Variants in GIGYF1 observed in about 807,000 individuals in gnomAD.
GIGYF1 encodes GRB10 interacting GYF protein 1, also known as GRB10-interacting GYF protein 1.
GIGYF1 carries 84 observed loss-of-function variants against 147.1 expected under a neutral mutation model. The ratio of observed to expected loss-of-function variants is 0.57; its 90% confidence interval spans 0.48 to 0.68. The LOEUF (loss-of-function observed/expected upper bound fraction) is 0.68, where lower values mean the gene tolerates loss of function less well. Among genes scored for constraint, GIGYF1 ranks in the 30% least tolerant of loss-of-function variants. The pLI is 0.00. For missense variants in GIGYF1, 1,485 were observed against 1,393.7 expected, an observed-to-expected ratio of 1.07 and a Z score of -1.04; for synonymous variants, 752 against 589.5, an observed-to-expected ratio of 1.28 and a Z score of -3.99.
chr7:100,684,929 C>T, intron 14 of GIGYF1, 35 bp from the exon 15 acceptor site: 2 of 1,601,444 alleles, frequency 1.2e-6, no homozygotes, highest in Non-Finnish European at 1.7e-6. Flanking sequence ...GGCTCAGCTG[C>T]CAATCTCAGC....
chr7:100,682,656 G>A lies in GIGYF1; in HGVS notation c.2534C>T (p.Pro845Leu), dbSNP rs201631397. 425 of 1,605,108 alleles carry A rather than the reference G, an allele frequency of 2.6e-4. 2 individuals carry two copies. The African/African-American group carries it at 5.0e-3, about 19-fold the overall frequency. ...SSGLGLWEDT[P>L]KSGGSLVRGL... The stretch of plus-strand genomic sequence containing the variant: ...ACGGACCAGGCTCCCGCCGCTCTTG[G>A]GGGTGTCCTCCCAGAGCCCCAGGCC... Residue 845 changes from proline to leucine, a missense_variant, in exon 23 of 27, where the codon CCC (proline) becomes CTC (leucine). By Grantham distance (98) the Pro-to-Leu change is moderately conservative. Coordinates refer to ENST00000678049, the MANE Select transcript of GIGYF1 (RefSeq NM_001375765.1).
rs768262496 is a variant in GIGYF1 at position 100,684,055 on chromosome 7, T to G, written c.1833A>C (p.Ala611=). The G allele has an allele frequency of 5.0e-6, 8 of 1,589,916 alleles. No individual in the cohort carries two copies. The highest frequency in any genetic ancestry group is 6.8e-6 in the Non-Finnish European group (8 of 1,169,852). Residue 611 remains alanine, a synonymous_variant, in exon 18 of 27, where the codon GCA becomes GCC. Coordinates refer to ENST00000678049, the MANE Select transcript of GIGYF1 (RefSeq NM_001375765.1). ...TGAGCGCCTGGAGCTGCTGCAGGAA[T>G]GCCGTGAGCTGCTGCTGCTGCTGCT... ...PPQQQQQQLT[A]FLQQLQALKP... is the part of the protein sequence containing the mutation.
At position 100,681,976 on chromosome 7, in the gene GIGYF1, G is replaced by A. The variant is rs147331974; in HGVS notation, c.2943C>T (p.Ser981=). Residue 981 remains serine (S), a synonymous_variant, in exon 26 of 27, where the codon AGC becomes AGT. Transcript: ENST00000678049. ...RQQQQEAWLS[S]ASLQTAFQAN... is the part of the protein sequence containing the mutation. ...CCTGGAAGGCCGTCTGCAGCGAGGC[G>A]CTGCTCAGCCATGCCTCCTAAGGCA... 9.9e-6 allele frequency: 16 copies of A among 1,608,834 alleles called. No individual in the cohort carries two copies. Among genetic ancestry groups the A allele is most frequent in the African/African-American group, 4.0e-5 (3 of 75,070 alleles).
intron 1 of GIGYF1, among the ~76,000 whole-genome samples, chr7:100,691,506 AT>A (rs373899398): frequency 6.8e-6 from 1 of 147,616 alleles, no homozygotes; most frequent in Non-Finnish European, 1.5e-5. Context: ...AAAAGAATAG[AT>A]TTTTTTTTTT....
chr7:100,686,721 C>T lies in GIGYF1; in HGVS notation c.622G>A (p.Glu208Lys). The T allele has an allele frequency of 6.2e-7, 1 of 1,613,706 alleles. No homozygotes were observed. The highest frequency in any genetic ancestry group is 8.5e-7 in the Non-Finnish European group (1 of 1,179,960). The change falls in exon 10 of 27, where the codon GAG (glutamate) becomes AAG (lysine). Residue 208 changes from glutamate (E) to lysine (K), a missense_variant. Glu to Lys is a moderately conservative substitution (Grantham distance 56). Coordinates refer to ENST00000678049, the MANE Select transcript of GIGYF1 (RefSeq NM_001375765.1). ...WRSLREEQEE[E>K]EEGSWRLGAG... The stretch of plus-strand genomic sequence containing the variant: ...CCGAGCCTCCAGCTGCCCTCCTCCT[C>T]CTCCTCCTGTTCCTCCCGTAGGGAG...
intron 1 of GIGYF1, among the ~76,000 whole-genome samples, chr7:100,689,997 A>G (rs550502912): frequency 6.6e-6 from 1 of 152,306 alleles, no homozygotes; most frequent in South Asian, 2.1e-4. Flanking sequence ...GCTGTTGCTG[A>G]AGGGTCCAGA....
At chr7:100,693,508 G>C (rs1009279583) in intron 1 of GIGYF1, among the ~76,000 whole-genome samples, 1 of 152,256 alleles carries the variant, frequency 6.6e-6, no homozygotes, top group Admixed American at 6.5e-5. Flanking sequence ...GAGGTGAGGA[G>C]GACCCAGGCG....
At chr7:100,682,850 G>A in intron 22 of GIGYF1, 73 bp from the exon 23 acceptor site, 2 of 1,434,110 alleles carry the variant, frequency 1.4e-6, no homozygotes, top group Middle Eastern at 1.9e-4. Flanking sequence ...GCTTGTTTAG[G>A]TGGCAAAGGG....
Position 100,682,086 on chromosome 7 carries a change from GCTGCTGGCTGGCTTT to G in GIGYF1, c.2896_2910del (p.Lys966_Gln970del). 1 of 1,613,192 alleles carries G rather than the reference GCTGCTGGCTGGCTTT, an allele frequency of 6.2e-7. No homozygotes were observed. Among genetic ancestry groups the G allele is most frequent in the Non-Finnish European group, 8.5e-7 (1 of 1,179,766 alleles). ...GGCTGCCTCACCTGCTGCTGCTGCC[GCTGCTGGCTGGCTTT>G]CTGCTTGGCCCTCCGCTCCAGGAAT... On this transcript the variant is annotated inframe_deletion, in exon 25 of 27. Transcript: ENST00000678049.
rs746498056 is a variant in GIGYF1, at chr7:100,687,552, G to T, written c.326C>A (p.Pro109His). The T allele has an allele frequency of 2.4e-5, 39 of 1,612,650 alleles. No homozygotes were observed. Among genetic ancestry groups the T allele is most frequent in the Non-Finnish European group, 3.3e-5 (39 of 1,179,916 alleles). Reference sequence around the variant, plus strand: ...GCCTCGGGAGGTGCCAGCCAGGGGGGGGCCAGCCCCTTTCCCCATCAGCCT... The same window carrying T: ...GCCTCGGGAGGTGCCAGCCAGGGGGTGGCCAGCCCCTTTCCCCATCAGCCT... ...VLRLMGKGAG[P>H]PLAGTSRGRG... Residue 109 changes from proline to histidine, a missense_variant, in exon 7 of 27, where the codon CCC becomes CAC. Transcript: ENST00000678049.
At chr7:100,686,501 A>T in intron 10 of GIGYF1, 68 bp from the exon 11 acceptor site, 1 of 1,524,204 alleles carries the variant, frequency 6.6e-7, no homozygotes, top group Non-Finnish European at 8.8e-7. Flanking sequence ...CCTCTGCTGC[A>T]GCTCACGGAG....
chr7:100,681,788 G>C lies in GIGYF1; in HGVS notation c.3056-17C>G, dbSNP rs755427720. On this transcript the variant is annotated splice_polypyrimidine_tract_variant and intron_variant, in intron 26 of 26. Transcript: ENST00000678049. ...GGGAGTACCCTGAAGCCGGGGAGAA[G>C]CTGCGTCTGAGCTCTCTCCTGGGCT... 1.1e-5 allele frequency: 18 copies of C among 1,590,658 alleles called. No homozygotes were observed. The highest frequency in any genetic ancestry group is 2.2e-5 in the East Asian group (1 of 44,650).
chr7:100,683,595 A>G lies in GIGYF1; in HGVS notation c.2007T>C (p.Ser669=). ...GTTCTAGAATTGGACCCTGAGTCGA[A>G]GAGTTAATTGGTATGTCCCAAAGAC... is the stretch of plus-strand genomic sequence containing the variant. The part of the protein sequence containing the change: ...EASLWDIPIN[S]STQGPILEQL... Residue 669 remains serine, a synonymous_variant, in exon 20 of 27, where the codon TCT becomes TCC. Coordinates refer to ENST00000678049, the MANE Select transcript of GIGYF1 (RefSeq NM_001375765.1). The G allele has an allele frequency of 6.2e-7, 1 of 1,614,206 alleles. No homozygotes were observed. The highest frequency in any genetic ancestry group is 1.1e-5 in the South Asian group (1 of 91,092).
In GIGYF1 at chr7:100,684,227, C is replaced by G. The variant is rs755348963; in HGVS notation, c.1730+10G>C. 2 of 1,609,688 alleles carry G rather than the reference C, an allele frequency of 1.2e-6. No individual in the cohort carries two copies. Among genetic ancestry groups the G allele is most frequent in the Admixed American group, 3.4e-5 (2 of 59,698 alleles). ...GGGCCTTCTCCCAGCCCACCCCAGGCCCCCCATACCTGCTGACCAGCTGGA... is the reference window on the plus strand; with the variant it reads ...GGGCCTTCTCCCAGCCCACCCCAGGGCCCCCATACCTGCTGACCAGCTGGA... On this transcript the variant is annotated intron_variant, in intron 17 of 26. Transcript: ENST00000678049.
At chr7:100,684,920 G>T (rs780870654) in intron 14 of GIGYF1, 26 bp from the exon 15 acceptor site, 1 of 1,604,770 alleles carries the variant, frequency 6.2e-7, no homozygotes, top group Admixed American at 1.7e-5. Flanking sequence ...AAGAAGAAAG[G>T]CTCAGCTGCC....
chr7:100,690,395 C>G (rs1805732977), intron 1 of GIGYF1, among the ~76,000 whole-genome samples: 1 of 152,198 alleles, frequency 6.6e-6, no homozygotes, highest in Non-Finnish European at 1.5e-5. Flanking sequence ...ATAATCCCAG[C>G]ACTGTGGGAG....
At chr7:100,691,287 G>A (rs1805804347) in intron 1 of GIGYF1, among the ~76,000 whole-genome samples, 1 of 152,212 alleles carries the variant, frequency 6.6e-6, no homozygotes, top group South Asian at 2.1e-4. Flanking sequence ...TGTGACTCCA[G>A]ATACCAAGTG....
rs958793992 is a variant in GIGYF1, at chr7:100,686,451, G to A, written c.695-18C>T. The A allele has an allele frequency of 2.6e-6, 4 of 1,567,136 alleles. No homozygotes were observed. Among genetic ancestry groups the A allele is most frequent in the South Asian group, 2.4e-5 (2 of 83,982 alleles). ...ACCACCATCTGCACAGGAAAAGTCA[G>A]GGAGAAGAAGAGTGGGTACCCAAGC... On this transcript the variant is annotated intron_variant, in intron 10 of 26. Coordinates refer to ENST00000678049, the MANE Select transcript of GIGYF1 (RefSeq NM_001375765.1).
Position 100,685,987 on chromosome 7 carries a change from T to TTCC in GIGYF1, c.1038_1040dup (p.Glu347dup), listed in dbSNP as rs1805291474. 1.2e-6 allele frequency: 2 copies of TTCC among 1,612,178 alleles called. No individual in the cohort carries two copies. The highest frequency in any genetic ancestry group is 1.7e-6 in the Non-Finnish European group (2 of 1,179,878). On this transcript the variant is annotated inframe_insertion, in exon 12 of 27. Transcript: ENST00000678049. The stretch of plus-strand genomic sequence containing the variant: ...CCCGCGGCTCACCTGCCTCAGGCCC[T>TTCC]TCCTCCTCTAGCCCTTCGGAAGGTT...
Sources: allele counts gnomAD v4.1 joint callset (sites outside exome capture counted in the v4.1 genomes callset), GRCh38; gene constraint gnomAD v4.1.1; transcripts MANE v1.5; gene names NCBI Gene and HGNC (gene_info 2026-07-23, HGNC 2026-07-21).